The following SIM2 variants were observed in gnomAD, a reference collection of about 807,000 sequenced individuals.
SIM2 encodes the protein single-minded homolog 2.
Under a neutral mutation model 64.8 loss-of-function variants are expected in SIM2, and 28 were observed. The ratio of observed to expected loss-of-function variants is 0.43; its 90% CI spans 0.32 to 0.59. The LOEUF is 0.59. SIM2 is among the 20% of genes least tolerant of loss of function. The pLI, the probability that SIM2 is intolerant of heterozygous loss-of-function variation, is 0.07. For synonymous variants in SIM2, 408 were observed against 391.1 expected, an observed-to-expected ratio of 1.04 and a Z score of -0.51; for missense variants, 847 against 871.4, an observed-to-expected ratio of 0.97 and a Z score of 0.35.
intron 4 of SIM2, among the ~76,000 whole-genome samples, chr21:36,721,950 C>T (rs1395269274): frequency 1.3e-5 from 2 of 152,198 alleles, no homozygotes; most frequent in Non-Finnish European, 2.9e-5. Context: ...GCACCTGACT[C>T]ATTTCCACAG....
chr21:36,712,160 T>C (rs1385785918), intron 2 of SIM2, among the ~76,000 whole-genome samples: 1 of 152,222 alleles, frequency 6.6e-6, no homozygotes, highest in African/African-American at 2.4e-5. Flanking sequence ...GTCTATATAG[T>C]GGTAGATTTT....
chr21:36,719,351 G>A (rs1443693211), intron 3 of SIM2, among the ~76,000 whole-genome samples: 1 of 152,276 alleles, frequency 6.6e-6, no homozygotes. Flanking sequence ...ACGGCTGGTC[G>A]GCCTCGGAGT....
chr21:36,723,925 A>T (rs1450211699), intron 5 of SIM2, among the ~76,000 whole-genome samples: 2 of 152,044 alleles, frequency 1.3e-5, no homozygotes, highest in Non-Finnish European at 2.9e-5. Flanking sequence ...TGGGCTCCTT[A>T]CCCTCCTCCC....
chr21:36,746,178 G>A (rs1450808559), intron 10 of SIM2: 1 of 232,386 alleles, frequency 4.3e-6, no homozygotes, highest in Non-Finnish European at 8.7e-6. Context: ...AGTTGGGCAT[G>A]GTGGTGAGCA....
In SIM2 at chr21:36,731,231, C is replaced by T. The variant is rs2088964689; in HGVS notation, c.850+80C>T. 4.0e-6 allele frequency: 4 copies of T among 994,256 alleles called. No homozygotes were observed. The East Asian group carries it at 1.0e-4, about 25-fold the overall frequency. 61.6% of individuals were successfully genotyped at this position (994,256 alleles called of 1,614,324 possible). A position where few individuals can be genotyped will look rare whatever the true frequency, so the allele number is the denominator to read the frequency against. On this transcript the variant is annotated intron_variant, in intron 7 of 10. Coordinates refer to ENST00000290399, the MANE Select transcript of SIM2 (RefSeq NM_005069.6). ...TGAGGACAGAGCCGGGGGACGTGTC[C>T]CTTTTGTTGGTGCAATAATCATCCA...
At chr21:36,722,767 G>A (rs560600111) in intron 4 of SIM2, among the ~76,000 whole-genome samples, 188 of 152,280 alleles carry the variant, frequency 1.2e-3, no homozygotes, top group African/African-American at 3.7e-3. Flanking sequence ...AGCGGGCGAC[G>A]GCAGGTGGAG....
intron 9 of SIM2, among the ~76,000 whole-genome samples, chr21:36,743,777 G>A (rs537345117): frequency 7.4e-4 from 113 of 152,198 alleles, no homozygotes; most frequent in Non-Finnish European, 1.3e-3. Flanking sequence ...GACTAAATTG[G>A]AAAGGCACTT....
Position 36,748,127 on chromosome 21 carries a change from G to A in SIM2, c.*35G>A. The A allele has an allele frequency of 8.7e-7, 1 of 1,144,516 alleles. No individual in the cohort carries two copies. The allele number at this position is 1,144,516 out of a possible 1,614,324, so 70.9% of individuals were successfully genotyped here. On this transcript the variant is annotated 3_prime_UTR_variant, in exon 11 of 11. Transcript: ENST00000290399. ...CGCCCGCGCCAGGAGCCTGGACCCG[G>A]CCTCCCGGGGCTGCGGCGCCACCGA...
At chr21:36,718,475 G>A (rs949392673) in intron 3 of SIM2, among the ~76,000 whole-genome samples, 1 of 152,120 alleles carries the variant, frequency 6.6e-6, no homozygotes, top group Non-Finnish European at 1.5e-5. Context: ...AATAACAAGG[G>A]GGTGGCTCGG....
intron 7 of SIM2, among the ~76,000 whole-genome samples, chr21:36,736,813 T>C (rs2089059346): frequency 6.7e-6 from 1 of 150,298 alleles, no homozygotes; most frequent in South Asian, 2.1e-4. Context: ...CTGTCTTTCC[T>C]CCCTCCCTCC....
intron 3 of SIM2, among the ~76,000 whole-genome samples, chr21:36,713,236 A>G (rs1027371100): frequency 6.6e-6 from 1 of 152,198 alleles, no homozygotes; most frequent in African/African-American, 2.4e-5. Context: ...AGAACATCTG[A>G]ATATTACCAA....
rs556200011 is a variant in SIM2, at chr21:36,712,720, G to A, written c.348+98G>A. On this transcript the variant is annotated intron_variant, in intron 3 of 10. Transcript: ENST00000290399. ...AACTTGAAAATGAGTCTGTTTAAGT[G>A]TTTGCTTTTGTGTAAGAACATAACC... 8 of 779,726 alleles carry A rather than the reference G, an allele frequency of 1.0e-5. No homozygotes were observed. In the East Asian group the frequency reaches 2.0e-4, roughly 20 times the overall value. 48.3% of individuals were successfully genotyped at this position (779,726 alleles called of 1,614,324 possible).
chr21:36,712,588 C>T lies in SIM2; in HGVS notation c.314C>T (p.Ser105Phe). The change falls in exon 3 of 11, where the codon TCC becomes TTC. Residue 105 changes from serine (S) to phenylalanine (F), a missense_variant. Physicochemically the swap from Ser to Phe is radical, Grantham distance 155. Around this residue, in one of 3 missense-constraint regions of SIM2, gnomAD observed 397 missense variants for 439.2 expected, o/e 0.90. Transcript: ENST00000290399. Reference protein sequence around the residue: ...VASDGKIMYISETASVHLGLS... With the variant: ...VASDGKIMYIFETASVHLGLS... ...TCTGATGGCAAAATCATGTATATAT[C>T]CGAGACCGCTTCTGTCCATTTAGGC... 1.2e-6 allele frequency: 2 copies of T among 1,613,574 alleles called. No individual in the cohort carries two copies. Among genetic ancestry groups the T allele is most frequent in the Non-Finnish European group, 1.7e-6 (2 of 1,179,658 alleles).
Position 36,726,322 on chromosome 21 carries a change from A to AGT in SIM2, c.743+5_743+6dup. On this transcript the variant is annotated splice_donor_region_variant and intron_variant, in intron 6 of 10. Coordinates refer to ENST00000290399, the MANE Select transcript of SIM2 (RefSeq NM_005069.6). The surrounding 1 kb of genome is among the most constrained non-coding windows in gnomAD (Gnocchi z 4.5). ...AGCTGATATTCCTGGATTCCAGGTG[A>AGT]GTTCGGCACCTGCCACAGTGGCTGT... 1 of 1,608,108 alleles carries AGT rather than the reference A, an allele frequency of 6.2e-7. No individual in the cohort carries two copies. The highest frequency in any genetic ancestry group is 8.5e-7 in the Non-Finnish European group (1 of 1,177,282).
At chr21:36,740,002 A>C (rs944280083) in intron 7 of SIM2, among the ~76,000 whole-genome samples, 42 of 131,018 alleles carry the variant, frequency 3.2e-4, no homozygotes, top group African/African-American at 1.2e-3. Flanking sequence ...GAAGAAAGAA[A>C]GAAAGAGAGA....
intron 5 of SIM2, among the ~76,000 whole-genome samples, chr21:36,725,023 A>T (rs866652405): frequency 6.6e-6 from 1 of 152,182 alleles, no homozygotes; most frequent in African/African-American, 2.4e-5. Flanking sequence ...TAAAGGAAAT[A>T]AAAATACATT....
chr21:36,748,037 G>GT lies in SIM2; in HGVS notation c.1949_1950insT (p.Ala651ArgfsTer48). Reference sequence around the variant, plus strand: ...AGCCCCGCCGCCACCTCCCCGCCCGGCGCGCCCCTGCCGCACTACCTGGGC... The same window carrying GT: ...AGCCCCGCCGCCACCTCCCCGCCCGGTCGCGCCCCTGCCGCACTACCTGGGC... On this transcript the variant is annotated frameshift_variant, in exon 11 of 11. Transcript: ENST00000290399. LOFTEE classifies it high-confidence loss of function. 1 of 1,194,162 alleles carries GT rather than the reference G, an allele frequency of 8.4e-7. No homozygotes were observed. The highest frequency in any genetic ancestry group is 1.0e-6 in the Non-Finnish European group (1 of 964,676). 74.0% of individuals were successfully genotyped at this position (1,194,162 alleles called of 1,614,324 possible). A position where few individuals can be genotyped will look rare whatever the true frequency, so the allele number is the denominator to read the frequency against.
chr21:36,727,060 C>T (rs564567247), intron 6 of SIM2, among the ~76,000 whole-genome samples: 1 of 152,204 alleles, frequency 6.6e-6, no homozygotes, highest in African/African-American at 2.4e-5. Context: ...TTTTTTGAGA[C>T]AGAGTTCCGC....
chr21:36,744,031 C>T (rs1174158042), intron 9 of SIM2, among the ~76,000 whole-genome samples: 2 of 152,138 alleles, frequency 1.3e-5, no homozygotes, highest in African/African-American at 4.8e-5. Context: ...GGTGGATCAC[C>T]TGAGGTCAGG....
Sources: gnomAD v4.1 joint callset for allele counts (sites outside exome capture counted in the v4.1 genomes callset) on GRCh38, gnomAD v4.1.1 for gene constraint, gnomAD v4.1.1 regional missense constraint, Gnocchi (gnomAD v3.1) non-coding constraint, MANE v1.5 for transcripts, NCBI Gene and HGNC (gene_info 2026-07-23, HGNC 2026-07-21) for gene names.